RGMA: variants seen among roughly 807,000 people sequenced by gnomAD.
RGMA encodes the protein repulsive guidance molecule A.
A neutral mutation model predicts 23.2 loss-of-function variants in RGMA; 10 were observed. The ratio of observed to expected loss-of-function variants is 0.43; its 90% CI spans 0.27 to 0.73. The LOEUF (loss-of-function observed/expected upper bound fraction) is 0.73, where lower values mean the gene tolerates loss of function less well. Among genes scored for constraint, RGMA ranks in the 30% least tolerant of loss-of-function variants. The pLI is 0.20. For missense variants in RGMA, 547 were observed against 630.5 expected, an observed-to-expected ratio of 0.87 and a Z score of 1.42; for synonymous variants, 308 against 279.3, an observed-to-expected ratio of 1.10 and a Z score of -1.03.
chr15:93,081,148 C>T (rs143485885), intron 1 of RGMA, among the ~76,000 whole-genome samples: 682 of 152,306 alleles, frequency 4.5e-3, no homozygotes, highest in Non-Finnish European at 6.1e-3. Context: ...CCTGTCCTAT[C>T]TTCAGCCCCT....
At chr15:93,088,654 G>A in intron 1 of RGMA, 1 of 987,652 alleles carries the variant, frequency 1.0e-6, no homozygotes, top group Non-Finnish European at 1.3e-6. Context: ...AGGGACGTGT[G>A]CCGGGTCTGC....
rs1293751298 is a variant in RGMA at position 93,038,314 on chromosome 15, G to A, written c.*6684C>T. 2 of 152,258 alleles carry A rather than the reference G, an allele frequency of 1.3e-5. No individual in the cohort carries two copies. Among genetic ancestry groups the A allele is most frequent in the African/African-American group, 2.4e-5 (1 of 41,444 alleles). 9.4% of individuals were successfully genotyped at this position (152,258 alleles called of 1,614,324 possible). A position where few individuals can be genotyped will look rare whatever the true frequency, so the allele number is the denominator to read the frequency against. Reference sequence around the variant, plus strand: ...TTCCATTGTTTCAAGGGTTTGGTAAGTAAGGCCAATCAGACCAAAGAGATG... The same window carrying A: ...TTCCATTGTTTCAAGGGTTTGGTAAATAAGGCCAATCAGACCAAAGAGATG... On this transcript the variant is annotated 3_prime_UTR_variant, in exon 4 of 4. Transcript: ENST00000329082.
At position 93,045,401 on chromosome 15, in the gene RGMA, C is replaced by T. The variant is rs753865607; in HGVS notation, c.950G>A (p.Arg317Gln). 19 of 1,613,154 alleles carry T rather than the reference C, an allele frequency of 1.2e-5. No homozygotes were observed. The highest frequency in any genetic ancestry group is 1.1e-4 in the East Asian group (5 of 44,846). ...GATCTGCTGGTTGAGGGGGCAGCCC[C>T]GCAGGCAGAGGTAGAGACCCTGGCT... ...WDSQGLYLCL[R>Q]GCPLNQQIDF... is the part of the protein sequence containing the mutation. Residue 317 changes from arginine to glutamine, a missense_variant, in exon 4 of 4, where the codon CGG becomes CAG. Physicochemically the swap from Arg to Gln is conservative, Grantham distance 43. This residue lies in a region of RGMA where 205 missense variants were observed against 204.1 expected (regional missense o/e 1.00). Transcript: ENST00000329082. The surrounding 1 kb of genome is among the most constrained non-coding windows in gnomAD (Gnocchi z 6.9).
At chr15:93,058,896 G>T (rs4777758) in intron 2 of RGMA, among the ~76,000 whole-genome samples, 48,947 of 152,026 alleles carry the variant, frequency 0.32, 10,166 homozygotes, top group East Asian at 0.8. Flanking sequence ...GCATAGGGAG[G>T]TTGGGTAGGT....
rs2054741098 is a variant in RGMA, at chr15:93,042,799, G to C, written c.*2199C>G. ...ATAAACCTGGTCCCACAGTGACGTG[G>C]ACAGCAGCCTCCTGCAGCACCACTG... is the stretch of plus-strand genomic sequence containing the variant. On this transcript the variant is annotated 3_prime_UTR_variant, in exon 4 of 4. Transcript: ENST00000329082. 1 of 152,300 alleles carries C rather than the reference G, an allele frequency of 6.6e-6. No homozygotes were observed. The highest frequency in any genetic ancestry group is 1.5e-5 in the Non-Finnish European group (1 of 68,094). The allele number at this position is 152,300 out of a possible 1,614,324, so 9.4% of individuals were successfully genotyped here.
At chr15:93,059,083 C>T (rs1056145059) in intron 2 of RGMA, among the ~76,000 whole-genome samples, 8 of 152,150 alleles carry the variant, frequency 5.3e-5, no homozygotes, top group East Asian at 1.9e-4. Flanking sequence ...GCTTCGGGCT[C>T]GAGCGGGCCT....
chr15:93,052,581 A>G, intron 2 of RGMA, 74 bp from the exon 3 acceptor site: 1 of 1,440,418 alleles, frequency 6.9e-7, no homozygotes, highest in Non-Finnish European at 9.2e-7. Flanking sequence ...TCTGTGGGCC[A>G]GGGGAGCAGC....
At chr15:93,047,329 G>A (rs912765403) in intron 3 of RGMA, among the ~76,000 whole-genome samples, 1 of 152,168 alleles carries the variant, frequency 6.6e-6, no homozygotes, top group South Asian at 2.1e-4. Context: ...CCTTTCCCAG[G>A]TGTCAGCTGT....
At chr15:93,073,182 C>A in intron 1 of RGMA, 151 bp from the exon 2 acceptor site, 3 of 1,223,450 alleles carry the variant, frequency 2.5e-6, no homozygotes. Context: ...CCGCCCCCCG[C>A]GCGCCCCTCC....
At chr15:93,079,483 A>G (rs138239077) in intron 1 of RGMA, among the ~76,000 whole-genome samples, 7 of 152,252 alleles carry the variant, frequency 4.6e-5, no homozygotes, top group South Asian at 2.1e-4. Context: ...GTGCTTCATA[A>G]TAATACTTTT....
chr15:93,088,816 G>A (rs1364730079), intron 1 of RGMA, 103 bp downstream of exon 1: 7 of 1,098,104 alleles, frequency 6.4e-6, no homozygotes, highest in African/African-American at 4.9e-5. Context: ...AAGATGAGAC[G>A]CGGGGCTAAG....
At chr15:93,079,000 T>C (rs1422487535) in intron 1 of RGMA, among the ~76,000 whole-genome samples, 2 of 152,238 alleles carry the variant, frequency 1.3e-5, no homozygotes, top group Non-Finnish European at 1.5e-5. Flanking sequence ...TGCATGTTCT[T>C]GCTAACTCCT....
rs1289831647 is a variant in RGMA at position 93,036,313 on chromosome 15, G to T, written c.*8685C>A. 1.3e-5 allele frequency: 2 copies of T among 152,278 alleles called. No individual in the cohort carries two copies. The highest frequency in any genetic ancestry group is 2.9e-5 in the Non-Finnish European group (2 of 68,070). 9.4% of individuals were successfully genotyped at this position (152,278 alleles called of 1,614,324 possible). A position where few individuals can be genotyped will look rare whatever the true frequency, so the allele number is the denominator to read the frequency against. ...GGCCTACAAATGTTTGTGCCAGGAA[G>T]GAAGGGAAGAAGGACTCCTCTTGTT... is the stretch of plus-strand genomic sequence containing the variant. On this transcript the variant is annotated 3_prime_UTR_variant, in exon 4 of 4. Coordinates refer to ENST00000329082, the MANE Select transcript of RGMA (RefSeq NM_020211.3).
Position 93,045,749 on chromosome 15 carries a change from G to A in RGMA, c.646-44C>T, listed in dbSNP as rs1295214017. ...GAGGAGAGTGGGTGAGGCACAGTGG[G>A]AGGAGGCACAGCCCCACACTTAAGA... On this transcript the variant is annotated intron_variant, in intron 3 of 3. Transcript: ENST00000329082. This position sits in a 1 kb window ranked among gnomAD's most constrained non-coding sequence, Gnocchi z 6.9. The A allele has an allele frequency of 3.5e-6, 5 of 1,413,422 alleles. No homozygotes were observed. Among genetic ancestry groups the A allele is most frequent in the African/African-American group, 2.8e-5 (2 of 71,256 alleles). The allele number at this position is 1,413,422 out of a possible 1,614,324, so 87.6% of individuals were successfully genotyped here.
Position 93,036,817 on chromosome 15 carries a change from G to C in RGMA, c.*8181C>G, listed in dbSNP as rs1372964608. 6.6e-6 allele frequency: 1 copy of C among 152,332 alleles called. No individual in the cohort carries two copies. Among genetic ancestry groups the C allele is most frequent in the Non-Finnish European group, 1.5e-5 (1 of 68,084 alleles). 9.4% of individuals were successfully genotyped at this position (152,332 alleles called of 1,614,324 possible). A position where few individuals can be genotyped will look rare whatever the true frequency, so the allele number is the denominator to read the frequency against. ...CGTGCTCTCCTACCAGACCCTGCTT[G>C]TAACCTGGAGTGGGTCAGTTGGCTT... On this transcript the variant is annotated 3_prime_UTR_variant, in exon 4 of 4. Coordinates refer to ENST00000329082, the MANE Select transcript of RGMA (RefSeq NM_020211.3).
chr15:93,060,663 G>A (rs899417833), intron 2 of RGMA, among the ~76,000 whole-genome samples: 14 of 152,338 alleles, frequency 9.2e-5, no homozygotes, highest in Admixed American at 8.5e-4. Context: ...ATTTATCAAA[G>A]AGCCCCAACA....
At chr15:93,049,149 C>G (rs553476583) in intron 3 of RGMA, among the ~76,000 whole-genome samples, 132 of 152,338 alleles carry the variant, frequency 8.7e-4, no homozygotes, top group Middle Eastern at 3.4e-3. Flanking sequence ...CTCTGCTGCT[C>G]CCCCTTCTGA....
At chr15:93,056,999 T>C (rs531010550) in intron 2 of RGMA, among the ~76,000 whole-genome samples, 1 of 152,232 alleles carries the variant, frequency 6.6e-6, no homozygotes. Context: ...TGCCCCTCCC[T>C]GGTGAAGCTC....
chr15:93,088,993 G>C lies in RGMA; in HGVS notation c.-61C>G. The C allele has an allele frequency of 8.3e-7, 1 of 1,204,710 alleles. No individual in the cohort carries two copies. 74.6% of individuals were successfully genotyped at this position (1,204,710 alleles called of 1,614,324 possible). On this transcript the variant is annotated 5_prime_UTR_variant, in exon 1 of 4. Coordinates refer to ENST00000329082, the MANE Select transcript of RGMA (RefSeq NM_020211.3). ...GGCTGCGGGAGAAGAGGGGGTGTCGGGGCGCCGCTCGTCTGCCCCGGGGCA... is the reference window on the plus strand; with the variant it reads ...GGCTGCGGGAGAAGAGGGGGTGTCGCGGCGCCGCTCGTCTGCCCCGGGGCA...
Sources: gnomAD v4.1 joint callset for allele counts (sites outside exome capture counted in the v4.1 genomes callset) on GRCh38, gnomAD v4.1.1 for gene constraint, gnomAD v4.1.1 regional missense constraint, Gnocchi (gnomAD v3.1) non-coding constraint, MANE v1.5 for transcripts, NCBI Gene and HGNC (gene_info 2026-07-23, HGNC 2026-07-21) for gene names.